RBPJ: variants seen among roughly 807,000 people sequenced by gnomAD.
RBPJ encodes recombination signal binding protein for immunoglobulin kappa J region, also known as recombining binding protein suppressor of hairless.
A neutral mutation model predicts 67.8 loss-of-function variants in RBPJ; 9 were observed. The ratio of observed to expected loss-of-function variants is 0.13; its 90% CI spans 0.08 to 0.23. RBPJ has a LOEUF of 0.23. Ranked by LOEUF, RBPJ falls within the 10% of genes least tolerant of loss-of-function variation. The pLI is 1.00. For synonymous variants in RBPJ, 198 were observed against 203.3 expected (o/e 0.97, Z 0.22); for missense variants, 305 against 595.6 (o/e 0.51, Z 5.08).
At chr4:26,300,492 T>C (rs1722040100) in intron 1 of RBPJ, among the ~76,000 whole-genome samples, 1 of 152,218 alleles carries the variant, frequency 6.6e-6, no homozygotes, top group Admixed American at 6.5e-5. Flanking sequence ...CCTTCCTTCA[T>C]GAAATGCAGA....
At chr4:26,269,254 AT>A (rs1398633429) in intron 1 of RBPJ, among the ~76,000 whole-genome samples, 2 of 149,368 alleles carry the variant, frequency 1.3e-5, no homozygotes, top group African/African-American at 2.5e-5. Flanking sequence ...TTATTTATTT[AT>A]TTATTTATTT....
intron 1 of RBPJ, among the ~76,000 whole-genome samples, chr4:26,327,935 A>G (rs1283382373): frequency 6.6e-6 from 1 of 152,172 alleles, no homozygotes; most frequent in Non-Finnish European, 1.5e-5. Flanking sequence ...TATAAATGTA[A>G]TATTGTAGTT....
chr4:26,402,471 T>C (rs1424926553), intron 2 of RBPJ, among the ~76,000 whole-genome samples: 1 of 152,236 alleles, frequency 6.6e-6, no homozygotes, highest in Non-Finnish European at 1.5e-5. Context: ...TCTTATCCAT[T>C]AGACATCATA....
chr4:26,409,689 G>A (rs1028232571), intron 3 of RBPJ, among the ~76,000 whole-genome samples: 3 of 151,986 alleles, frequency 2.0e-5, no homozygotes, highest in Non-Finnish European at 2.9e-5. Flanking sequence ...TAGTAGAGAC[G>A]GGGTTTCACC....
At chr4:26,215,595 G>C (rs1286670161) in intron 1 of RBPJ, among the ~76,000 whole-genome samples, 1 of 152,158 alleles carries the variant, frequency 6.6e-6, no homozygotes, top group Non-Finnish European at 1.5e-5. Flanking sequence ...ATCTAGAAGT[G>C]AACGATTTTG....
At chr4:26,140,688 A>T in the RBPJ span, among the ~76,000 whole-genome samples, 507 of 131,970 alleles carry the variant, frequency 3.8e-3, 6 homozygotes, top group African/African-American at 0.014. Flanking sequence ...GATGGTCACC[A>T]GCGTTTTGAT....
chr4:26,389,272 C>G (rs1035779834), intron 2 of RBPJ, among the ~76,000 whole-genome samples: 1 of 150,610 alleles, frequency 6.6e-6, no homozygotes, highest in South Asian at 2.1e-4. Flanking sequence ...CACCCAGAAG[C>G]ACTTTATAAT....
At chr4:26,220,073 C>A (rs956473693) in intron 1 of RBPJ, among the ~76,000 whole-genome samples, 3 of 152,072 alleles carry the variant, frequency 2.0e-5, no homozygotes, top group Non-Finnish European at 4.4e-5. Context: ...GTGAGCCACC[C>A]TGCCCAGCCA....
At chr4:26,152,749 T>A in the RBPJ span, among the ~76,000 whole-genome samples, 5 of 152,370 alleles carry the variant, frequency 3.3e-5, no homozygotes, top group East Asian at 9.6e-4. Context: ...CTTGTTCAGT[T>A]CTTGAAGACA....
chr4:26,259,470 C>T (rs561625662), intron 1 of RBPJ, among the ~76,000 whole-genome samples: 13 of 152,262 alleles, frequency 8.5e-5, no homozygotes, highest in Admixed American at 2.6e-4. Flanking sequence ...TCTTGGTAGC[C>T]ATTGCTTTGA....
At chr4:26,257,212 C>G (rs1720369527) in intron 1 of RBPJ, among the ~76,000 whole-genome samples, 1 of 152,170 alleles carries the variant, frequency 6.6e-6, no homozygotes, top group Admixed American at 6.5e-5. Flanking sequence ...ATCATGATTG[C>G]TATCACATAT....
the RBPJ span, among the ~76,000 whole-genome samples, chr4:26,135,432 C>G: frequency 6.6e-6 from 1 of 151,992 alleles, no homozygotes; most frequent in Admixed American, 6.6e-5. Context: ...GATTTAAACG[C>G]AACAACCCTG....
rs112389999 is a variant in RBPJ at position 26,184,201 on chromosome 4, G to GAAAGAA, written c.-167+20590_-167+20591insGAAAAA. On this transcript the variant is annotated intron_variant, in intron 1 of 4. Coordinates refer to the RBPJ transcript ENST00000512351. ...CATCTCAAAAAAAAAAAAAAAGAAA[G>GAAAGAA]AAAAAAAATGTATCCAAACACTTGT... Among the ~76,000 whole-genome samples the GAAAGAA allele has an allele frequency of 4.2e-3, 613 of 146,374 alleles. 4 individuals are homozygous for GAAAGAA. The highest frequency in any genetic ancestry group is 0.015 in the African/African-American group (583 of 38,912).
At chr4:26,242,705 TAAAAAAAAAA>T (rs1025631996) in intron 1 of RBPJ, among the ~76,000 whole-genome samples, 3 of 100,414 alleles carry the variant, frequency 3.0e-5, no homozygotes, top group Non-Finnish European at 4.0e-5. Context: ...CACTCATAGT[TAAAAAAAAAA>T]AAAAAAAAAA....
intron 2 of RBPJ, among the ~76,000 whole-genome samples, chr4:26,397,894 A>G (rs1732305436): frequency 6.6e-6 from 1 of 152,070 alleles, no homozygotes; most frequent in African/African-American, 2.4e-5. Context: ...CGGCCTCCCA[A>G]AGTGCTGGGA....
intron 1 of RBPJ, among the ~76,000 whole-genome samples, chr4:26,378,635 T>G (rs1357617604): frequency 6.6e-6 from 1 of 152,254 alleles, no homozygotes; most frequent in African/African-American, 2.4e-5. Context: ...TCTTCCTGCT[T>G]CTTTACATAA....
At chr4:26,240,935 G>T (rs1345283673) in intron 1 of RBPJ, among the ~76,000 whole-genome samples, 8 of 152,190 alleles carry the variant, frequency 5.3e-5, no homozygotes, top group Middle Eastern at 3.4e-3. Flanking sequence ...AGCAAATCAA[G>T]GCTTTACTAA....
rs1237991440 is a variant in RBPJ at position 26,214,582 on chromosome 4, AAAGGAAGG to A, written c.-167+50973_-167+50980del. Reference sequence around the variant, plus strand: ...AGAGAGAGAAAAGAGAAAAAGAAAGAAAGGAAGGAAGGGAGGAAACAGAGAGAGAATGA... The same window carrying A: ...AGAGAGAGAAAAGAGAAAAAGAAAGAAAGGGAGGAAACAGAGAGAGAATGA... On this transcript the variant is annotated intron_variant, in intron 1 of 4. Transcript: ENST00000512351. Among the ~76,000 whole-genome samples the A allele has an allele frequency of 1.1e-3, 156 of 138,392 alleles. 4 individuals carry two copies. The highest frequency in any genetic ancestry group is 4.2e-3 in the African/African-American group (148 of 35,196). 90.8% of individuals were successfully genotyped at this position (138,392 alleles called of 152,430 possible).
At chr4:26,251,631 C>CA (rs763009793) in intron 1 of RBPJ, among the ~76,000 whole-genome samples, 3,104 of 99,586 alleles carry the variant, frequency 0.031, 64 homozygotes, top group African/African-American at 0.049. Flanking sequence ...GACTCTTTCT[C>CA]AAAAAAAAAA....
Sources: gnomAD v4.1 joint callset for allele counts (sites outside exome capture counted in the v4.1 genomes callset) on GRCh38, gnomAD v4.1.1 for gene constraint, MANE v1.5 for transcripts, NCBI Gene and HGNC (gene_info 2026-07-23, HGNC 2026-07-21) for gene names.